CACNG4: variants seen among roughly 807,000 people sequenced by gnomAD.
CACNG4 encodes voltage-dependent calcium channel gamma-4 subunit.
A neutral mutation model predicts 22.9 loss-of-function variants in CACNG4; 8 were observed. The observed-to-expected ratio is 0.35, with a 90% CI of 0.21 to 0.63. The LOEUF (loss-of-function observed/expected upper bound fraction) is 0.63. CACNG4 is among the 30% of genes least tolerant of loss of function. The pLI, the probability that CACNG4 is intolerant of heterozygous loss-of-function variation, is 0.72. For missense variants in CACNG4, 357 were observed against 455.4 expected, an observed-to-expected ratio of 0.78 and a Z score of 1.97; for synonymous variants, 188 against 191.9, an observed-to-expected ratio of 0.98 and a Z score of 0.17.
At chr17:66,995,175 G>A (rs898688423) in intron 1 of CACNG4, among the ~76,000 whole-genome samples, 4 of 152,172 alleles carry the variant, frequency 2.6e-5, no homozygotes, top group African/African-American at 4.8e-5. Flanking sequence ...TCGTGGCACC[G>A]TGATAAACTT....
At chr17:66,969,097 G>T (rs1330604349) in intron 1 of CACNG4, among the ~76,000 whole-genome samples, 1 of 152,166 alleles carries the variant, frequency 6.6e-6, no homozygotes, top group Non-Finnish European at 1.5e-5. Flanking sequence ...ATGCATTCTG[G>T]AATTCAGTGG....
chr17:66,988,642 C>T (rs1005342509), intron 1 of CACNG4, among the ~76,000 whole-genome samples: 1 of 152,076 alleles, frequency 6.6e-6, no homozygotes, highest in Non-Finnish European at 1.5e-5. Context: ...CTGCTGCTCT[C>T]CAGAGGCTCT....
rs2035294214 is a variant in CACNG4, at chr17:66,984,491, T to TA, written c.220+19361dup. On this transcript the variant is annotated intron_variant, in intron 1 of 3. Coordinates refer to ENST00000262138, the MANE Select transcript of CACNG4 (RefSeq NM_014405.4). The surrounding 1 kb of genome is among the most constrained non-coding windows in gnomAD (Gnocchi z 4.0). Reference sequence around the variant, plus strand: ...TGCTGGCCTGTATTTTCTTCAGTCCTAGGTGATCCAGCAAATACTAGTCGA... The same window carrying TA: ...TGCTGGCCTGTATTTTCTTCAGTCCTAAGGTGATCCAGCAAATACTAGTCGA... Among the ~76,000 whole-genome samples, 1 of 152,188 alleles carries TA rather than the reference T, an allele frequency of 6.6e-6. No individual in the cohort carries two copies. The highest frequency in any genetic ancestry group is 1.5e-5 in the Non-Finnish European group (1 of 68,008).
At chr17:66,968,436 C>T (rs1050500778) in intron 1 of CACNG4, among the ~76,000 whole-genome samples, 4 of 146,024 alleles carry the variant, frequency 2.7e-5, no homozygotes, top group Non-Finnish European at 6.1e-5. Context: ...CTCCTCTCTT[C>T]TCCCCTCCTC....
intron 1 of CACNG4, among the ~76,000 whole-genome samples, chr17:66,971,104 G>T (rs376752597): frequency 1.3e-5 from 2 of 152,250 alleles, no homozygotes; most frequent in African/African-American, 4.8e-5. Context: ...TCTGAAAATG[G>T]GGCCTGACTG....
intron 1 of CACNG4, among the ~76,000 whole-genome samples, chr17:66,981,699 A>G (rs1208153942): frequency 6.6e-6 from 1 of 152,116 alleles, no homozygotes; most frequent in African/African-American, 2.4e-5. Context: ...TATCCATTCA[A>G]CACCCTCCTG....
chr17:67,025,024 G>A, intron 3 of CACNG4, 24 bp downstream of exon 3: 2 of 1,563,488 alleles, frequency 1.3e-6, no homozygotes, highest in East Asian at 2.3e-5. Context: ...CCGGGCTGGT[G>A]CTGGGCCGGG....
intron 1 of CACNG4, among the ~76,000 whole-genome samples, chr17:66,967,075 C>G (rs1168324878): frequency 6.6e-6 from 1 of 152,086 alleles, no homozygotes; most frequent in Non-Finnish European, 1.5e-5. Context: ...TTCCAGTTTC[C>G]CAGTGGAAAT....
chr17:67,019,095 G>A (rs572212472), intron 2 of CACNG4, among the ~76,000 whole-genome samples: 2 of 152,238 alleles, frequency 1.3e-5, no homozygotes, highest in East Asian at 1.9e-4. Context: ...ACAAAGAGCA[G>A]CTCACAGCAG....
chr17:66,978,379 C>T (rs1255659662), intron 1 of CACNG4, among the ~76,000 whole-genome samples: 1 of 152,196 alleles, frequency 6.6e-6, no homozygotes, highest in African/African-American at 2.4e-5. Context: ...ATACGTGGTA[C>T]ATGGGGACAG....
At chr17:67,018,354 G>A in intron 2 of CACNG4, 82 bp downstream of exon 2, 1 of 977,472 alleles carries the variant, frequency 1.0e-6, no homozygotes, top group Non-Finnish European at 1.6e-6. Context: ...GAGAGACACT[G>A]GGCATGGAGA....
chr17:67,007,740 C>G (rs2035445981), intron 1 of CACNG4, among the ~76,000 whole-genome samples: 1 of 152,198 alleles, frequency 6.6e-6, no homozygotes, highest in African/African-American at 2.4e-5. Context: ...GATTATTGCT[C>G]TAACAGAGAT....
rs934886947 is a variant in CACNG4 at position 67,027,698 on chromosome 17, G to T, written c.445+2698G>T. ...TACAGAGAGGGGAAGAAAACACAAA[G>T]CTAGGGAAGCAGCAAGAGAGAGATC... On this transcript the variant is annotated intron_variant, in intron 3 of 3. Coordinates refer to ENST00000262138, the MANE Select transcript of CACNG4 (RefSeq NM_014405.4). This position sits in a 1 kb window ranked among gnomAD's most constrained non-coding sequence, Gnocchi z 4.3. 6.6e-6 allele frequency among the ~76,000 whole-genome samples: 1 copy of T among 152,186 alleles called. No individual in the cohort carries two copies. The highest frequency in any genetic ancestry group is 6.5e-5 in the Admixed American group (1 of 15,276).
At chr17:66,993,264 C>T (rs574363264) in intron 1 of CACNG4, among the ~76,000 whole-genome samples, 6 of 152,322 alleles carry the variant, frequency 3.9e-5, no homozygotes, top group South Asian at 2.1e-4. Context: ...GCGTTGGCAG[C>T]GGTCCTGTGA....
intron 1 of CACNG4, among the ~76,000 whole-genome samples, chr17:66,983,122 A>T (rs888371144): frequency 6.6e-6 from 1 of 152,172 alleles, no homozygotes; most frequent in Non-Finnish European, 1.5e-5. Flanking sequence ...TTCCCAGTTG[A>T]TAACAGTGGT....
chr17:67,017,619 G>A (rs1007488400), intron 1 of CACNG4, among the ~76,000 whole-genome samples: 5 of 152,050 alleles, frequency 3.3e-5, no homozygotes, highest in Non-Finnish European at 7.4e-5. Flanking sequence ...CCGGGTTCAA[G>A]CAATTCTTGT....
chr17:67,005,041 G>A (rs1357469992), intron 1 of CACNG4, among the ~76,000 whole-genome samples: 9 of 152,130 alleles, frequency 5.9e-5, no homozygotes, highest in African/African-American at 1.4e-4. Context: ...GGAATGTATC[G>A]GAAGGATGTG....
chr17:66,997,939 G>A (rs992796307), intron 1 of CACNG4, among the ~76,000 whole-genome samples: 2 of 152,162 alleles, frequency 1.3e-5, no homozygotes, highest in African/African-American at 2.4e-5. Context: ...GGAAGGAGGA[G>A]GAGATCCTGA....
chr17:67,024,197 A>G (rs1249423286), intron 2 of CACNG4, among the ~76,000 whole-genome samples: 1 of 152,022 alleles, frequency 6.6e-6, no homozygotes, highest in Non-Finnish European at 1.5e-5. Flanking sequence ...CTTGTCTATC[A>G]CCTAGGGGCT....
Sources: gnomAD v4.1 joint callset for allele counts (sites outside exome capture counted in the v4.1 genomes callset) on GRCh38, gnomAD v4.1.1 for gene constraint, Gnocchi (gnomAD v3.1) non-coding constraint, MANE v1.5 for transcripts, NCBI Gene and HGNC (gene_info 2026-07-23, HGNC 2026-07-21) for gene names.